The following GBF1 variants were observed in gnomAD, a reference collection of about 807,000 sequenced individuals.
GBF1 encodes the protein Golgi-specific brefeldin A-resistance guanine nucleotide exchange factor 1.
Under a neutral mutation model 210.5 loss-of-function variants are expected in GBF1, and 114 were observed. The ratio of observed to expected loss-of-function variants is 0.54; its 90% CI spans 0.47 to 0.63. The LOEUF (loss-of-function observed/expected upper bound fraction) is 0.63, where lower values mean the gene tolerates loss of function less well. GBF1 is among the 30% of genes least tolerant of loss of function. GBF1 has a pLI of 0.00. For synonymous variants in GBF1, 850 were observed against 889.2 expected, an observed-to-expected ratio of 0.96 and a Z score of 0.78; for missense variants, 1,851 against 2,357.7, an observed-to-expected ratio of 0.79 and a Z score of 4.45.
At chr10:102,313,170 G>C (rs573795707) in intron 3 of GBF1, among the ~76,000 whole-genome samples, 1 of 152,286 alleles carries the variant, frequency 6.6e-6, no homozygotes, top group East Asian at 1.9e-4. Context: ...GAAAGCTTTT[G>C]TGACTTGAAA....
In GBF1 at chr10:102,353,731, C is replaced by T. The variant is rs986890240; in HGVS notation, c.639+77C>T. On this transcript the variant is annotated intron_variant, in intron 8 of 39. Coordinates refer to ENST00000369983, the MANE Select transcript of GBF1 (RefSeq NM_001377137.1). ...ACTTCAGTGCCTTGGGGTAACCTTG[C>T]TTAGCAAAGATATGCTTTTGCCTAA... is the stretch of plus-strand genomic sequence containing the variant. 6.8e-6 allele frequency: 7 copies of T among 1,027,822 alleles called. No individual in the cohort carries two copies. The African/African-American group carries it at 9.5e-5, about 14-fold the overall frequency. The allele number at this position is 1,027,822 out of a possible 1,614,324, so 63.7% of individuals were successfully genotyped here.
chr10:102,344,165 T>C lies in GBF1; in HGVS notation c.278T>C (p.Leu93Pro). 1 of 1,613,998 alleles carries C rather than the reference T, an allele frequency of 6.2e-7. No homozygotes were observed. The highest frequency in any genetic ancestry group is 8.5e-7 in the Non-Finnish European group (1 of 1,179,806). The change falls in exon 4 of 40, where the codon CTG (leucine) becomes CCG (proline). Residue 93 changes from leucine to proline, a missense_variant. By Grantham distance (98) the Leu-to-Pro change is moderately conservative (BLOSUM62 -3). Around this residue, in one of 3 missense-constraint regions of GBF1, gnomAD observed 804 missense variants for 958.6 expected, o/e 0.84. Transcript: ENST00000369983. ...GLALTSVNKF[L>P]SYALIDPTHE... The stretch of plus-strand genomic sequence containing the variant: ...GCACTCACCTCTGTCAACAAGTTCC[T>C]GTCCTATGCACTCATAGGTAAGAGC...
chr10:102,271,183 G>A (rs1291371716), intron 3 of GBF1, among the ~76,000 whole-genome samples: 1 of 151,804 alleles, frequency 6.6e-6, no homozygotes. Context: ...GACTACAGGC[G>A]CCCGCCACTG....
At chr10:102,236,674 A>G in the GBF1 span, among the ~76,000 whole-genome samples, 1 of 152,348 alleles carries the variant, frequency 6.6e-6, no homozygotes, top group East Asian at 1.9e-4. Flanking sequence ...CCCCATGGCA[A>G]TAAGTCAGCT....
chr10:102,281,136 C>T (rs369831461), intron 3 of GBF1, among the ~76,000 whole-genome samples: 1 of 152,154 alleles, frequency 6.6e-6, no homozygotes, highest in East Asian at 1.9e-4. Context: ...CCTTAAGTTT[C>T]ACTTTTTGAA....
At chr10:102,258,601 G>T (rs1309089166) in intron 1 of GBF1, among the ~76,000 whole-genome samples, 1 of 150,288 alleles carries the variant, frequency 6.7e-6, no homozygotes, top group Non-Finnish European at 1.5e-5. Context: ...GAGAAACCCC[G>T]TCTCTTCTAA....
At position 102,379,958 on chromosome 10, in the gene GBF1, C is replaced by T. The variant is rs763615021; in HGVS notation, c.4878+4C>T. 135 of 1,569,594 alleles carry T rather than the reference C, an allele frequency of 8.6e-5. No individual in the cohort carries two copies. The highest frequency in any genetic ancestry group is 5.0e-5 in the Non-Finnish European group (57 of 1,141,330). ...GGCTTCCACATTGCTCTCTAAGGTACTGCTCACCACCCTATACCCACCCTC... is the reference window on the plus strand; with the variant it reads ...GGCTTCCACATTGCTCTCTAAGGTATTGCTCACCACCCTATACCCACCCTC... On this transcript the variant is annotated splice_donor_region_variant and intron_variant, in intron 36 of 39. Transcript: ENST00000369983.
At chr10:102,237,246 G>C in the GBF1 span, among the ~76,000 whole-genome samples, 1 of 152,222 alleles carries the variant, frequency 6.6e-6, no homozygotes, top group East Asian at 1.9e-4. Context: ...AGATCAGAGA[G>C]AGGGAAGCCC....
At chr10:102,245,278 C>CG (rs1420148402), upstream of GBF1, among the ~76,000 whole-genome samples, 1 of 152,146 alleles carries the variant, frequency 6.6e-6, no homozygotes, top group African/African-American at 2.4e-5. Flanking sequence ...CCTCTCTAGC[C>CG]GCCCAGCCCA....
At chr10:102,350,345 A>G in intron 4 of GBF1, among the ~76,000 whole-genome samples, 1 of 150,770 alleles carries the variant, frequency 6.6e-6, no homozygotes, top group East Asian at 2.0e-4. Context: ...GCGAAACTCC[A>G]TCTCCAAAAA....
chr10:102,381,327 C>T (rs1009766642), intron 39 of GBF1, 72 bp downstream of exon 39: 17 of 1,492,820 alleles, frequency 1.1e-5, no homozygotes, highest in South Asian at 4.6e-5. Flanking sequence ...CCCAAGGGGG[C>T]GTGGGAATGC....
intron 3 of GBF1, among the ~76,000 whole-genome samples, chr10:102,260,473 C>CTTTTTTT (rs879575033): frequency 0.038 from 2,787 of 74,158 alleles, 211 homozygotes; most frequent in East Asian, 0.048. Flanking sequence ...ATTTTCCTTT[C>CTTTTTTT]TTCTTTTTTT....
intron 3 of GBF1, among the ~76,000 whole-genome samples, chr10:102,296,709 C>T (rs772032): frequency 0.33 from 49,219 of 149,970 alleles, 8,692 homozygotes; most frequent in South Asian, 0.48. Flanking sequence ...CCACTGCACT[C>T]CAGCCTAGGC....
chr10:102,361,721 T>C lies in GBF1; in HGVS notation c.1495T>C (p.Tyr499His). 1 of 1,572,552 alleles carries C rather than the reference T, an allele frequency of 6.4e-7. No homozygotes were observed. Residue 499 changes from tyrosine (Y) to histidine (H), a missense_variant, in exon 14 of 40, where the codon TAC becomes CAC. Transcript: ENST00000369983. ...GCAATTACTGGGTTATTGCCAGATG[T>C]ACATCAAAAAGCTTATGGAGATCAT... ...REHLKFQMEMYIKKLMEIITV... is the reference protein window; with the variant it reads ...REHLKFQMEMHIKKLMEIITV...
the GBF1 span, chr10:102,230,820 G>A: frequency 1.3e-6 from 2 of 1,570,058 alleles, no homozygotes; most frequent in East Asian, 4.7e-5. Context: ...CAGCCGCGGC[G>A]GAGGGCACCA....
At chr10:102,345,845 C>G (rs763062312) in intron 4 of GBF1, among the ~76,000 whole-genome samples, 1 of 151,926 alleles carries the variant, frequency 6.6e-6, no homozygotes, top group African/African-American at 2.4e-5. Context: ...ATTTCCCAAA[C>G]ATTTTTATTA....
chr10:102,367,355 G>A, intron 20 of GBF1, 123 bp from the exon 21 acceptor site: 1 of 1,146,560 alleles, frequency 8.7e-7, no homozygotes, highest in Non-Finnish European at 1.3e-6. Flanking sequence ...AAAGGGACTG[G>A]GGTGGGGAAG....
At position 102,379,375 on chromosome 10, in the gene GBF1, A is replaced by G. The variant is rs780759768; in HGVS notation, c.4586A>G (p.Gln1529Arg). 1.2e-6 allele frequency: 2 copies of G among 1,613,986 alleles called. No individual in the cohort carries two copies. The highest frequency in any genetic ancestry group is 1.7e-6 in the Non-Finnish European group (2 of 1,180,020). Residue 1529 changes from glutamine (Q) to arginine (R), a missense_variant, in exon 34 of 40, where the codon CAG (glutamine) becomes CGG (arginine). Gln to Arg is a conservative substitution (Grantham distance 43). Around this residue, in one of 3 missense-constraint regions of GBF1, gnomAD observed 967 missense variants for 1,247.7 expected, o/e 0.78. Transcript: ENST00000369983. ...CAACGCCACCTGGAGACAGGTGGCC[A>G]GAAGATTGAAGCTGATTCTCGCACC... The part of the protein sequence containing the change: ...EEQRHLETGG[Q>R]KIEADSRTLW...
At chr10:102,231,105 C>A in the GBF1 span, 3 of 1,538,220 alleles carry the variant, frequency 2.0e-6, no homozygotes, top group Non-Finnish European at 2.6e-6. Context: ...ACCACACCTG[C>A]GGGCACGGGA....
Sources: gnomAD v4.1 joint callset for allele counts (sites outside exome capture counted in the v4.1 genomes callset) on GRCh38, gnomAD v4.1.1 for gene constraint, gnomAD v4.1.1 regional missense constraint, MANE v1.5 for transcripts, NCBI Gene and HGNC (gene_info 2026-07-23, HGNC 2026-07-21) for gene names.